Variants in CHCHD6 observed in about 807,000 individuals in gnomAD.
CHCHD6 encodes the protein coiled-coil-helix-coiled-coil-helix domain containing 6, also known as MICOS complex subunit MIC25.
CHCHD6 carries 28 observed loss-of-function variants against 32.3 expected under a neutral mutation model. The ratio of observed to expected loss-of-function variants is 0.87; its 90% CI spans 0.64 to 1.19. The LOEUF (loss-of-function observed/expected upper bound fraction) is 1.19, where lower values mean the gene tolerates loss of function less well. Ranked by LOEUF, CHCHD6 falls within the 50% of genes most tolerant of loss-of-function variation. CHCHD6 has a pLI of 0.00. For synonymous variants in CHCHD6, 122 were observed against 117.5 expected, an observed-to-expected ratio of 1.04 and a Z score of -0.25; for missense variants, 333 against 307.0, an observed-to-expected ratio of 1.08 and a Z score of -0.63.
intron 5 of CHCHD6, among the ~76,000 whole-genome samples, chr3:126,862,400 T>C (rs1260110090): frequency 6.6e-4 from 30 of 45,210 alleles, no homozygotes; most frequent in East Asian, 3.0e-3. Flanking sequence ...TCCTCTACCA[T>C]CACCACCTCC....
intron 4 of CHCHD6, among the ~76,000 whole-genome samples, chr3:126,792,985 G>A (rs1004002088): frequency 1.3e-5 from 2 of 152,102 alleles, no homozygotes; most frequent in African/African-American, 4.8e-5. Flanking sequence ...TTATCATTAT[G>A]TAAAGTTTCA....
chr3:126,949,721 G>A (rs1296981842), intron 6 of CHCHD6: 3 of 198,278 alleles, frequency 1.5e-5, no homozygotes, highest in Admixed American at 6.1e-5. Context: ...GGGAAGGAAA[G>A]GCTGCACGGA....
chr3:126,722,808 A>G (rs1935369512), intron 1 of CHCHD6, among the ~76,000 whole-genome samples: 1 of 152,194 alleles, frequency 6.6e-6, no homozygotes, highest in African/African-American at 2.4e-5. Context: ...AAATTTTGAA[A>G]AAGTCCAATT....
At chr3:126,713,161 G>T (rs1327911769) in intron 1 of CHCHD6, among the ~76,000 whole-genome samples, 1 of 152,116 alleles carries the variant, frequency 6.6e-6, no homozygotes, top group Non-Finnish European at 1.5e-5. Context: ...GTGCTACCAG[G>T]CTATTTTTTT....
chr3:126,734,894 G>T (rs1041750424), intron 4 of CHCHD6, among the ~76,000 whole-genome samples: 1 of 152,140 alleles, frequency 6.6e-6, no homozygotes, highest in Non-Finnish European at 1.5e-5. Flanking sequence ...AGCCCGCATC[G>T]ATCCTGAAAC....
intron 5 of CHCHD6, among the ~76,000 whole-genome samples, chr3:126,865,957 G>A (rs9860191): frequency 0.2 from 29,807 of 151,994 alleles, 3,416 homozygotes; most frequent in African/African-American, 0.31. Context: ...GCACACCTGC[G>A]CTTTGCTAAG....
At chr3:126,736,428 C>T (rs1427095968) in intron 4 of CHCHD6, among the ~76,000 whole-genome samples, 1 of 152,150 alleles carries the variant, frequency 6.6e-6, no homozygotes, top group Non-Finnish European at 1.5e-5. Flanking sequence ...TGTAGCCCTC[C>T]CTGTGAACCT....
chr3:126,767,183 C>G, intron 4 of CHCHD6: 1 of 1,591,814 alleles, frequency 6.3e-7, no homozygotes, highest in Non-Finnish European at 8.6e-7. Context: ...CATTATCATA[C>G]TGAATTCAGC....
chr3:126,940,909 T>G (rs1283357902), intron 6 of CHCHD6, among the ~76,000 whole-genome samples: 1 of 152,206 alleles, frequency 6.6e-6, no homozygotes, highest in Non-Finnish European at 1.5e-5. Flanking sequence ...TATTATTCAT[T>G]TTTAACAGGT....
At chr3:126,807,543 G>C (rs563318008) in intron 4 of CHCHD6, among the ~76,000 whole-genome samples, 1 of 152,214 alleles carries the variant, frequency 6.6e-6, no homozygotes, top group Admixed American at 6.5e-5. Context: ...TAGCTCAGGA[G>C]GTCAAGCATC....
intron 5 of CHCHD6, among the ~76,000 whole-genome samples, chr3:126,853,869 T>TA (rs199660960): frequency 0.012 from 1,809 of 152,120 alleles, 20 homozygotes; most frequent in Middle Eastern, 0.048. Flanking sequence ...CAGAAAAGGG[T>TA]AAAAAAAATT....
chr3:126,871,823 G>T (rs539798161), intron 5 of CHCHD6, among the ~76,000 whole-genome samples: 1 of 151,784 alleles, frequency 6.6e-6, no homozygotes, highest in East Asian at 1.9e-4. Context: ...GCACCACCAC[G>T]CCTGGCTAAT....
intron 4 of CHCHD6, among the ~76,000 whole-genome samples, chr3:126,783,283 A>G (rs1227457422): frequency 6.6e-6 from 1 of 152,252 alleles, no homozygotes; most frequent in Non-Finnish European, 1.5e-5. Flanking sequence ...AATCGTCAGC[A>G]TTCATATAGA....
At chr3:126,851,726 C>T (rs1176955839) in intron 4 of CHCHD6, among the ~76,000 whole-genome samples, 1 of 152,216 alleles carries the variant, frequency 6.6e-6, no homozygotes, top group Non-Finnish European at 1.5e-5. Context: ...AGTGACGGGA[C>T]TTACATCCCT....
At chr3:126,768,598 G>C (rs1937472725) in intron 4 of CHCHD6, among the ~76,000 whole-genome samples, 1 of 152,166 alleles carries the variant, frequency 6.6e-6, no homozygotes, top group Middle Eastern at 3.2e-3. Context: ...TAATGAGATT[G>C]CTGGGTTGAA....
At chr3:126,804,922 G>T (rs995389035) in intron 4 of CHCHD6, among the ~76,000 whole-genome samples, 9 of 151,766 alleles carry the variant, frequency 5.9e-5, no homozygotes, top group Non-Finnish European at 1.2e-4. Context: ...ATGTAATCCA[G>T]CATATAAACA....
chr3:126,926,026 C>A (rs184880505), intron 6 of CHCHD6, among the ~76,000 whole-genome samples: 4 of 152,178 alleles, frequency 2.6e-5, no homozygotes, highest in African/African-American at 4.8e-5. Flanking sequence ...AGAGCACAGA[C>A]GCACTCCCAG....
chr3:126,847,675 A>G (rs1263990447), intron 4 of CHCHD6, among the ~76,000 whole-genome samples: 1 of 152,096 alleles, frequency 6.6e-6, no homozygotes, highest in East Asian at 1.9e-4. Context: ...TTTTTGTGGT[A>G]ACCAATTTAC....
chr3:126,843,102 A>G (rs1215043550), intron 4 of CHCHD6, among the ~76,000 whole-genome samples: 2 of 152,060 alleles, frequency 1.3e-5, no homozygotes, highest in Non-Finnish European at 2.9e-5. Flanking sequence ...TTCTTCTATT[A>G]CTAGTTTTCT....
Sources: allele counts gnomAD v4.1 joint callset (sites outside exome capture counted in the v4.1 genomes callset), GRCh38; gene constraint gnomAD v4.1.1; transcripts MANE v1.5; gene names NCBI Gene and HGNC (gene_info 2026-07-23, HGNC 2026-07-21).